The following MCPH1 variants were observed in gnomAD, a reference collection of about 807,000 sequenced individuals.
MCPH1 encodes microcephalin 1.
In MCPH1, 104 loss-of-function variants were observed where a neutral mutation model predicts 84.5. That is an observed-to-expected ratio of 1.23 (90% CI 1.05 to 1.45). The LOEUF (loss-of-function observed/expected upper bound fraction) is 1.45. MCPH1 is among the 40% of genes most tolerant of loss of function. The probability of loss-of-function intolerance (pLI) is 0.00; values close to 1 mark genes in which losing one functional copy is unlikely to be tolerated. For synonymous variants in MCPH1, 514 were observed against 366.8 expected, an observed-to-expected ratio of 1.40 and a Z score of -4.58; for missense variants, 1,498 against 1,005.7, an observed-to-expected ratio of 1.49 and a Z score of -6.62.
intron 12 of MCPH1, among the ~76,000 whole-genome samples, chr8:6,538,146 G>A (rs1224975970): frequency 6.6e-6 from 1 of 150,994 alleles, no homozygotes; most frequent in Non-Finnish European, 1.5e-5. Context: ...TTCCCACCCA[G>A]CCCTTCCATT....
At chr8:6,501,643 C>G (rs533121596) in intron 12 of MCPH1, 2 of 150,918 alleles carry the variant, frequency 1.3e-5, no homozygotes, top group African/African-American at 4.9e-5. Flanking sequence ...CAACCTCTAC[C>G]TCCCTGGTGC....
At chr8:6,523,669 A>C (rs952573920) in intron 12 of MCPH1, among the ~76,000 whole-genome samples, 1 of 152,122 alleles carries the variant, frequency 6.6e-6, no homozygotes, top group Admixed American at 6.5e-5. Context: ...AGCTCGCTGC[A>C]ACCTCCGCCT....
chr8:6,521,666 C>CATCT (rs1179116895), intron 12 of MCPH1, among the ~76,000 whole-genome samples: 1 of 152,110 alleles, frequency 6.6e-6, no homozygotes, highest in Non-Finnish European at 1.5e-5. Flanking sequence ...AAAGGTACCC[C>CATCT]ATCTGGTCCA....
At chr8:6,590,441 AG>A (rs1828368813) in intron 12 of MCPH1, among the ~76,000 whole-genome samples, 1 of 130,440 alleles carries the variant, frequency 7.7e-6, no homozygotes, top group African/African-American at 2.8e-5. Flanking sequence ...CAGGCCCTGC[AG>A]GCCCTGGGTG....
Position 6,444,656 on chromosome 8 carries a change from A to T in MCPH1, c.934A>T (p.Thr312Ser). ...LQRNIAGKVV[T>S]PDQKQAAGMS... ...AAGAAATATTGCAGGTAAAGTAGTC[A>T]CCCCTGACCAAAAGCAGGCTGCAGG... Residue 312 changes from threonine to serine, a missense_variant, in exon 8 of 14, where the codon ACC (threonine) becomes TCC (serine). By Grantham distance (58) the Thr-to-Ser change is moderately conservative. Coordinates refer to ENST00000344683, the MANE Select transcript of MCPH1 (RefSeq NM_024596.5). 1 of 1,614,104 alleles carries T rather than the reference A, an allele frequency of 6.2e-7. No homozygotes were observed. Among genetic ancestry groups the T allele is most frequent in the Middle Eastern group, 1.6e-4 (1 of 6,062 alleles).
intron 13 of MCPH1, 121 bp downstream of exon 13, chr8:6,621,812 A>C: frequency 1.1e-5 from 14 of 1,324,008 alleles, no homozygotes; most frequent in Admixed American, 1.7e-5. Context: ...TTGATGTCTC[A>C]GCCTCCAGCA....
chr8:6,602,215 C>A (rs1829426454), intron 12 of MCPH1, among the ~76,000 whole-genome samples: 1 of 152,182 alleles, frequency 6.6e-6, no homozygotes. Flanking sequence ...AGGAGGGAGG[C>A]AACAAGGGGC....
At chr8:6,505,731 CTATA>C (rs1425480650) in intron 12 of MCPH1, among the ~76,000 whole-genome samples, 1 of 128,716 alleles carries the variant, frequency 7.8e-6, no homozygotes, top group African/African-American at 2.9e-5. Context: ...TATATATATT[CTATA>C]TATATTCTTT....
At chr8:6,456,340 G>T (rs975468737) in intron 9 of MCPH1, among the ~76,000 whole-genome samples, 1 of 152,160 alleles carries the variant, frequency 6.6e-6, no homozygotes, top group Non-Finnish European at 1.5e-5. Context: ...TGCTCAGCGC[G>T]CTGCCTCCCA....
intron 12 of MCPH1, chr8:6,532,485 A>T: frequency 6.2e-7 from 1 of 1,610,748 alleles, no homozygotes; most frequent in Non-Finnish European, 8.5e-7. Flanking sequence ...TATAATTCTC[A>T]AGCTAGAAAA....
chr8:6,409,582 C>G (rs1176046692), intron 2 of MCPH1, among the ~76,000 whole-genome samples: 1 of 151,998 alleles, frequency 6.6e-6, no homozygotes, highest in Non-Finnish European at 1.5e-5. Flanking sequence ...GAGGAGGAAC[C>G]TAGGATGAAA....
intron 12 of MCPH1, among the ~76,000 whole-genome samples, chr8:6,541,489 C>G (rs1821566126): frequency 6.6e-6 from 1 of 152,136 alleles, no homozygotes; most frequent in South Asian, 2.1e-4. Context: ...AGACAGGAAA[C>G]CAAAGCCAGG....
At chr8:6,560,591 G>A (rs1327471139) in intron 12 of MCPH1, among the ~76,000 whole-genome samples, 4 of 152,092 alleles carry the variant, frequency 2.6e-5, no homozygotes, top group Admixed American at 2.0e-4. Context: ...TGTGGAGCCC[G>A]TGAAAAGATA....
chr8:6,542,664 A>T (rs896201387), intron 12 of MCPH1, among the ~76,000 whole-genome samples: 3 of 151,354 alleles, frequency 2.0e-5, no homozygotes, highest in African/African-American at 7.3e-5. Flanking sequence ...GAAATGAAGT[A>T]TAAAGATACT....
intron 9 of MCPH1, among the ~76,000 whole-genome samples, chr8:6,463,533 A>G (rs2440402): frequency 0.66 from 99,644 of 152,056 alleles, 36,741 homozygotes; most frequent in Non-Finnish European, 0.83. Context: ...TAGCATCCCC[A>G]GAGAAGGAGC....
chr8:6,529,342 T>C (rs1258044949), intron 12 of MCPH1, among the ~76,000 whole-genome samples: 1 of 152,222 alleles, frequency 6.6e-6, no homozygotes, highest in East Asian at 1.9e-4. Context: ...AATTTTCAGA[T>C]TTGAATTTAA....
At chr8:6,446,870 G>C (rs1419261631) in intron 8 of MCPH1, 1 of 985,088 alleles carries the variant, frequency 1.0e-6, no homozygotes, top group Non-Finnish European at 1.2e-6. Flanking sequence ...TTATGTTCTA[G>C]AACACTGCCC....
intron 12 of MCPH1, among the ~76,000 whole-genome samples, chr8:6,531,917 A>G (rs934808152): frequency 1.3e-5 from 2 of 152,156 alleles, no homozygotes; most frequent in African/African-American, 2.4e-5. Context: ...TTAACTCAAG[A>G]GTTAGATTTA....
chr8:6,575,500 A>G (rs1436679800), intron 12 of MCPH1, among the ~76,000 whole-genome samples: 1 of 152,374 alleles, frequency 6.6e-6, no homozygotes, highest in East Asian at 1.9e-4. Flanking sequence ...TGTCTATACA[A>G]TGTTGCAAGT....
Sources: gnomAD v4.1 joint callset for allele counts (sites outside exome capture counted in the v4.1 genomes callset) on GRCh38, gnomAD v4.1.1 for gene constraint, MANE v1.5 for transcripts, NCBI Gene and HGNC (gene_info 2026-07-23, HGNC 2026-07-21) for gene names.